The following NDNF variants were observed in gnomAD, a reference collection of about 807,000 sequenced individuals.
NDNF encodes the protein neuron derived neurotrophic factor.
Under a neutral mutation model 42.0 loss-of-function variants are expected in NDNF, and 16 were observed. The observed-to-expected ratio is 0.38, with a 90% CI of 0.26 to 0.58. NDNF has a LOEUF of 0.58. NDNF is among the 20% of genes least tolerant of loss of function. NDNF has a pLI of 0.67. For missense variants in NDNF, 616 were observed against 666.2 expected (o/e 0.92, Z 0.83); for synonymous variants, 248 against 251.7 (o/e 0.99, Z 0.14).
intron 1 of NDNF, among the ~76,000 whole-genome samples, chr4:121,052,186 T>C (rs891741255): frequency 6.6e-6 from 1 of 152,218 alleles, no homozygotes; most frequent in African/African-American, 2.4e-5. Context: ...TTACATATTA[T>C]AAAATTTAAG....
chr4:121,037,620 G>A lies in NDNF; in HGVS notation c.351C>T (p.Ile117=). 6.3e-7 allele frequency: 1 copy of A among 1,599,314 alleles called. No individual in the cohort carries two copies. Among genetic ancestry groups the A allele is most frequent in the Non-Finnish European group, 8.5e-7 (1 of 1,176,190 alleles). The change falls in exon 4 of 4, where the codon ATC becomes ATT. Residue 117 remains isoleucine (I), a synonymous_variant. Transcript: ENST00000379692. ...ATAACTCAGTGCCTTCCTCATTAAT[G>A]ATCTGCTGCTTCTGCTGCTCAAGAG... ...LEPLEQQKQQ[I]INEEGTELFS...
chr4:121,051,920 T>C (rs534826485), intron 1 of NDNF, among the ~76,000 whole-genome samples: 5 of 152,296 alleles, frequency 3.3e-5, no homozygotes, highest in Admixed American at 2.0e-4. Context: ...ATTCAAACAA[T>C]TGCAAATCTG....
chr4:121,051,568 C>T (rs1727194933), intron 1 of NDNF, among the ~76,000 whole-genome samples: 1 of 152,068 alleles, frequency 6.6e-6, no homozygotes, highest in African/African-American at 2.4e-5. Flanking sequence ...TCTATCATCA[C>T]AAAAAAGCAC....
intron 1 of NDNF, among the ~76,000 whole-genome samples, chr4:121,060,829 T>C (rs1727392501): frequency 6.6e-6 from 1 of 152,208 alleles, no homozygotes; most frequent in African/African-American, 2.4e-5. Flanking sequence ...GCAGTTCTTT[T>C]GATGGGTCAG....
chr4:121,044,036 T>C (rs1402322524), intron 2 of NDNF, among the ~76,000 whole-genome samples: 1 of 152,230 alleles, frequency 6.6e-6, no homozygotes, highest in Non-Finnish European at 1.5e-5. Flanking sequence ...CATTTAAAGA[T>C]TCAAAATTAT....
At position 121,037,970 on chromosome 4, in the gene NDNF, T is replaced by C. The variant is rs575169073; in HGVS notation, c.314-313A>G. Reference sequence around the variant, plus strand: ...ACTGTCAATCTGCTTACCAAAAGAATTGTATCAGTTTGCATTTGGATGGCC... The same window carrying C: ...ACTGTCAATCTGCTTACCAAAAGAACTGTATCAGTTTGCATTTGGATGGCC... On this transcript the variant is annotated intron_variant, in intron 3 of 3. Transcript: ENST00000379692. 3.3e-5 allele frequency: 8 copies of C among 243,510 alleles called. No homozygotes were observed. In the South Asian group the frequency reaches 7.4e-4, roughly 22 times the overall value. The allele number at this position is 243,510 out of a possible 1,614,324, so 15.1% of individuals were successfully genotyped here. A position where few individuals can be genotyped will look rare whatever the true frequency, so the allele number is the denominator to read the frequency against.
intron 1 of NDNF, among the ~76,000 whole-genome samples, chr4:121,063,683 G>T (rs948930528): frequency 6.6e-6 from 1 of 152,118 alleles, no homozygotes; most frequent in Non-Finnish European, 1.5e-5. Context: ...CTATGCAAAT[G>T]GTGATTGGGG....
Position 121,045,708 on chromosome 4 carries a change from A to G in NDNF, c.130T>C (p.Ser44Pro). Residue 44 changes from serine to proline, a missense_variant, in exon 2 of 4, where the codon TCA (serine) becomes CCA (proline). By Grantham distance (74) the Ser-to-Pro change is moderately conservative. Coordinates refer to ENST00000379692, the MANE Select transcript of NDNF (RefSeq NM_024574.4). The part of the protein sequence containing the change: ...IRDKAFFHDS[S>P]VIPDGAEISS... ...ATTTCAGCTCCATCTGGAATTACTG[A>G]CGAATCATGAAAAAATGCCTTGTCC... The G allele has an allele frequency of 6.2e-7, 1 of 1,614,226 alleles. No homozygotes were observed. Among genetic ancestry groups the G allele is most frequent in the Non-Finnish European group, 8.5e-7 (1 of 1,180,030 alleles).
At chr4:121,038,097 C>T (rs1560602700) in intron 3 of NDNF, 1 of 155,436 alleles carries the variant, frequency 6.4e-6, no homozygotes, top group Non-Finnish European at 1.4e-5. Flanking sequence ...TGTCATGGCT[C>T]ATGCCTGTTA....
At chr4:121,066,174 T>C (rs926506842) in intron 1 of NDNF, among the ~76,000 whole-genome samples, 7 of 152,126 alleles carry the variant, frequency 4.6e-5, no homozygotes, top group Admixed American at 3.3e-4. Context: ...GAGGCAGTTT[T>C]CTTTTTCCAT....
intron 1 of NDNF, among the ~76,000 whole-genome samples, chr4:121,061,660 C>T (rs772054470): frequency 6.6e-6 from 1 of 152,056 alleles, no homozygotes; most frequent in Non-Finnish European, 1.5e-5. Context: ...TCTTTACTCC[C>T]CCACCATCCC....
In NDNF at chr4:121,045,662, T is replaced by C. The variant is rs994141874; in HGVS notation, c.176A>G (p.Asp59Gly). The change falls in exon 2 of 4, where the codon GAT becomes GGT. Residue 59 changes from aspartate to glycine, a missense_variant. By Grantham distance (94) the Asp-to-Gly change is moderately conservative. Transcript: ENST00000379692. ...GAEISSYLFR[D>G]TPKRYFFVVE... is the part of the protein sequence containing the mutation. ...GCAGGGAGAATACCTCTTAGGTGTA[T>C]CTCTAAAGAGATAACTGCTAATTTC... 1 of 1,613,872 alleles carries C rather than the reference T, an allele frequency of 6.2e-7. No individual in the cohort carries two copies. The highest frequency in any genetic ancestry group is 1.3e-5 in the African/African-American group (1 of 74,928).
In NDNF at chr4:121,036,816, G is replaced by C; in HGVS notation, c.1155C>G (p.Val385=). 5 of 1,614,104 alleles carry C rather than the reference G, an allele frequency of 3.1e-6. No homozygotes were observed. The highest frequency in any genetic ancestry group is 4.2e-6 in the Non-Finnish European group (5 of 1,180,032). ...TFFIHSCLDA[V]QIQVRRDGKL... ...TCCCATCTCTTCTCACTTGGATTTG[G>C]ACAGCATCCAGACAAGAGTGAATAA... is the stretch of plus-strand genomic sequence containing the variant. The change falls in exon 4 of 4, where the codon GTC becomes GTG. Residue 385 remains valine, a synonymous_variant. Transcript: ENST00000379692.
At chr4:121,037,879 A>T (rs1030680589) in intron 3 of NDNF, 3 of 397,298 alleles carry the variant, frequency 7.6e-6, no homozygotes, top group Non-Finnish European at 8.9e-6. Flanking sequence ...ATTTCTTCAG[A>T]GCAGAATCCA....
At chr4:121,068,715 G>A (rs1727540354) in intron 1 of NDNF, among the ~76,000 whole-genome samples, 1 of 152,142 alleles carries the variant, frequency 6.6e-6, no homozygotes. Flanking sequence ...AAAAAAGTGA[G>A]ACAGAGAGAG....
chr4:121,050,003 C>T (rs1225122758), intron 1 of NDNF, among the ~76,000 whole-genome samples: 2 of 152,172 alleles, frequency 1.3e-5, no homozygotes, highest in Non-Finnish European at 2.9e-5. Context: ...GCACTGATGG[C>T]TTGTTCAATT....
intron 3 of NDNF, chr4:121,039,124 TACATA>T (rs1726932270): frequency 3.2e-5 from 4 of 123,970 alleles, no homozygotes; most frequent in Admixed American, 2.9e-4. Context: ...TAGATACGTA[TACATA>T]GTTATATATA....
intron 1 of NDNF, among the ~76,000 whole-genome samples, chr4:121,068,756 C>A (rs1443644985): frequency 6.6e-6 from 1 of 152,032 alleles, no homozygotes; most frequent in African/African-American, 2.4e-5. Context: ...TCACTATCGA[C>A]CACCTTATCA....
At position 121,055,940 on chromosome 4, in the gene NDNF, G is replaced by A. The variant is rs141915872; in HGVS notation, c.-1-10102C>T. Among the ~76,000 whole-genome samples, 41 of 152,236 alleles carry A rather than the reference G, an allele frequency of 2.7e-4. 1 individual carries two copies. In the East Asian group the frequency reaches 4.8e-3, roughly 18 times the overall value. ...GAAAGAAGTCCAAAGGCATATTTTC[G>A]TCCTGGAAAGTGGTTGTTATGGTAA... is the stretch of plus-strand genomic sequence containing the variant. On this transcript the variant is annotated intron_variant, in intron 1 of 3. Transcript: ENST00000379692.
Sources: allele counts gnomAD v4.1 joint callset (sites outside exome capture counted in the v4.1 genomes callset), GRCh38; gene constraint gnomAD v4.1.1; transcripts MANE v1.5; gene names NCBI Gene and HGNC (gene_info 2026-07-23, HGNC 2026-07-21).